ANKRD34B: variants seen among roughly 807,000 people sequenced by gnomAD.
ANKRD34B encodes ankyrin repeat domain 34B, also known as ankyrin repeat domain-containing protein 34B.
In ANKRD34B, 2 loss-of-function variants were observed where a neutral mutation model predicts 4.4. The ratio of observed to expected loss-of-function variants is 0.46; its 90% CI spans 0.19 to 1.44. ANKRD34B has a LOEUF of 1.44. ANKRD34B is among the 40% of genes most tolerant of loss of function. ANKRD34B has a pLI of 0.26. For missense variants in ANKRD34B, 558 were observed against 604.7 expected, an observed-to-expected ratio of 0.92 and a Z score of 0.81; for synonymous variants, 226 against 227.1, an observed-to-expected ratio of 0.99 and a Z score of 0.05.
In ANKRD34B at chr5:80,558,929, A is replaced by T. The variant is rs1039761608; in HGVS notation, c.1091T>A (p.Leu364Ter). The change falls in exon 5 of 5, where the codon TTG becomes TAG. Residue 364 changes from leucine to a stop codon, truncating the protein, a stop_gained. Coordinates refer to ENST00000338682, the MANE Select transcript of ANKRD34B (RefSeq NM_001004441.3). LOFTEE classifies it low-confidence loss of function (END_TRUNC). The stretch of plus-strand genomic sequence containing the variant: ...ATCAGAGCTGTAGTGATTTGCCCCC[A>T]AGTTTCTTTTTTGAACTATACTTCT... ...TLRSIVQKRNLGANHYSSDSQ... is the reference protein window; with the variant it reads ...TLRSIVQKRN 2 of 1,614,040 alleles carry T rather than the reference A, an allele frequency of 1.2e-6. No individual in the cohort carries two copies. Among genetic ancestry groups the T allele is most frequent in the African/African-American group, 2.7e-5 (2 of 74,904 alleles).
At chr5:80,560,738 T>C (rs1746387312) in intron 4 of ANKRD34B, among the ~76,000 whole-genome samples, 1 of 152,226 alleles carries the variant, frequency 6.6e-6, no homozygotes, top group Non-Finnish European at 1.5e-5. Context: ...TCATTGCAAC[T>C]GAATCAATTA....
intron 4 of ANKRD34B, among the ~76,000 whole-genome samples, chr5:80,561,043 A>T (rs1437671219): frequency 6.6e-6 from 1 of 152,240 alleles, no homozygotes. Flanking sequence ...AAATTTTGAC[A>T]ACAGTATATC....
chr5:80,559,983 A>T lies in ANKRD34B; in HGVS notation c.37T>A (p.Ser13Thr). 1 of 1,596,842 alleles carries T rather than the reference A, an allele frequency of 6.3e-7. No individual in the cohort carries two copies. The highest frequency in any genetic ancestry group is 1.1e-5 in the South Asian group (1 of 89,072). ...CTCTGATGGACTGCTTTGATCAAGG[A>T]ATTTCCTTCACTTGAAATTTCCATA... is the stretch of plus-strand genomic sequence containing the variant. ...EGMEISSEGN[S>T]LIKAVHQSRL... is the part of the protein sequence containing the mutation. The change falls in exon 5 of 5, where the codon TCC becomes ACC. Residue 13 changes from serine to threonine, a missense_variant. Ser to Thr is a moderately conservative substitution (Grantham distance 58, BLOSUM62 1). Coordinates refer to ENST00000338682, the MANE Select transcript of ANKRD34B (RefSeq NM_001004441.3).
rs1416833627 is a variant in ANKRD34B at position 80,566,925 on chromosome 5, A to G, written c.-190-151T>C. Among the ~76,000 whole-genome samples the G allele has an allele frequency of 2.0e-5, 3 of 152,210 alleles. No individual in the cohort carries two copies. The East Asian group carries it at 5.8e-4, about 29-fold the overall frequency. The stretch of plus-strand genomic sequence containing the variant: ...CATATCTCACTGATTATGAGTTTGT[A>G]AAGTGTCTGGAGATTCTATGCACAG... On this transcript the variant is annotated intron_variant, in intron 2 of 4. Transcript: ENST00000338682.
At chr5:80,568,323 G>A (rs1208906429) in intron 2 of ANKRD34B, among the ~76,000 whole-genome samples, 1 of 152,218 alleles carries the variant, frequency 6.6e-6, no homozygotes, top group Non-Finnish European at 1.5e-5. Context: ...TTCACACAGA[G>A]CTGTCTCCGA....
chr5:80,559,728 G>T lies in ANKRD34B; in HGVS notation c.292C>A (p.Pro98Thr), dbSNP rs778555790. The change falls in exon 5 of 5, where the codon CCT (proline) becomes ACT (threonine). Residue 98 changes from proline (P) to threonine (T), a missense_variant. Transcript: ENST00000338682. ...LMHACLEKAG[P>T]EVVSLLLKSG... ...TTGAGGAGCAAGGAAACAACTTCAG[G>T]GCCAGCTTTTTCTAAGCAAGCATGC... 6.2e-7 allele frequency: 1 copy of T among 1,614,130 alleles called. No individual in the cohort carries two copies. The highest frequency in any genetic ancestry group is 2.2e-5 in the East Asian group (1 of 44,888).
chr5:80,568,790 C>G (rs1170094137), intron 2 of ANKRD34B, among the ~76,000 whole-genome samples, 170 bp downstream of exon 2: 2 of 151,862 alleles, frequency 1.3e-5, no homozygotes, highest in East Asian at 3.9e-4. Flanking sequence ...CCACACATAC[C>G]CGCAAAGGGC....
chr5:80,558,192 A>ATT lies in ANKRD34B; in HGVS notation c.*281_*282dup. On this transcript the variant is annotated 3_prime_UTR_variant, in exon 5 of 5. Coordinates refer to ENST00000338682, the MANE Select transcript of ANKRD34B (RefSeq NM_001004441.3). ...CAACATACGTGGCCTTCTTTCTTTG[A>ATT]TTTTTTTTTAATGACAAATTTGGAC... is the stretch of plus-strand genomic sequence containing the variant. The ATT allele has an allele frequency of 1.5e-5, 3 of 197,000 alleles. No individual in the cohort carries two copies. Among genetic ancestry groups the ATT allele is most frequent in the Non-Finnish European group, 3.0e-5 (3 of 98,636 alleles). The allele number at this position is 197,000 out of a possible 1,614,324, so 12.2% of individuals were successfully genotyped here. A position where few individuals can be genotyped will look rare whatever the true frequency, so the allele number is the denominator to read the frequency against.
chr5:80,559,685 C>G lies in ANKRD34B; in HGVS notation c.335G>C (p.Ser112Thr), dbSNP rs776875910. 6 of 1,614,186 alleles carry G rather than the reference C, an allele frequency of 3.7e-6. No individual in the cohort carries two copies. In the South Asian group the frequency reaches 6.6e-5, roughly 18 times the overall value. ...SLLLKSGADL[S>T]LQDHSSYSAL... is the part of the protein sequence containing the mutation. Reference sequence around the variant, plus strand: ...TGAGTAACTAGAATGGTCTTGCAAGCTGAGGTCAGCCCCACTCTTGAGGAG... The same window carrying G: ...TGAGTAACTAGAATGGTCTTGCAAGGTGAGGTCAGCCCCACTCTTGAGGAG... Residue 112 changes from serine (S) to threonine (T), a missense_variant, in exon 5 of 5, where the codon AGC becomes ACC. Ser to Thr is a moderately conservative substitution (Grantham distance 58). Coordinates refer to ENST00000338682, the MANE Select transcript of ANKRD34B (RefSeq NM_001004441.3).
chr5:80,569,636 C>A (rs1295049595), intron 1 of ANKRD34B, among the ~76,000 whole-genome samples: 1 of 151,498 alleles, frequency 6.6e-6, no homozygotes, highest in Non-Finnish European at 1.5e-5. Context: ...CCGACCCGCG[C>A]GCTCTTGCGG....
chr5:80,569,733 C>T (rs1746700621), intron 1 of ANKRD34B, among the ~76,000 whole-genome samples: 1 of 152,164 alleles, frequency 6.6e-6, no homozygotes, highest in African/African-American at 2.4e-5. Flanking sequence ...CGCGGCCGGG[C>T]AGCCCTCGCC....
chr5:80,567,903 C>G lies in ANKRD34B; in HGVS notation c.-191+1057G>C, dbSNP rs536361407. Among the ~76,000 whole-genome samples, 17 of 152,260 alleles carry G rather than the reference C, an allele frequency of 1.1e-4. No homozygotes were observed. In the South Asian group the frequency reaches 3.5e-3, roughly 32 times the overall value. Reference sequence around the variant, plus strand: ...CTCCGGATCTCTCCAAGTTATCAACCTCTGGGAGGTCATTCTTCTGAGCCT... The same window carrying G: ...CTCCGGATCTCTCCAAGTTATCAACGTCTGGGAGGTCATTCTTCTGAGCCT... On this transcript the variant is annotated intron_variant, in intron 2 of 4. Coordinates refer to ENST00000338682, the MANE Select transcript of ANKRD34B (RefSeq NM_001004441.3).
chr5:80,563,600 C>T (rs1010904068), intron 4 of ANKRD34B, 135 bp downstream of exon 4: 1 of 152,180 alleles, frequency 6.6e-6, no homozygotes, highest in Non-Finnish European at 1.5e-5. Context: ...GTGTTCATCT[C>T]CACTGCAGTA....
chr5:80,560,092 C>T lies in ANKRD34B; in HGVS notation c.-23-50G>A, dbSNP rs1394977103. On this transcript the variant is annotated intron_variant, in intron 4 of 4. Coordinates refer to ENST00000338682, the MANE Select transcript of ANKRD34B (RefSeq NM_001004441.3). ...CAAAAGATTAGCCAGAATCAGCATC[C>T]CAACTTATATTCATTTTGTCAGAAT... 7.5e-6 allele frequency: 8 copies of T among 1,062,964 alleles called. No individual in the cohort carries two copies. The African/African-American group carries it at 1.1e-4, about 15-fold the overall frequency. 65.8% of individuals were successfully genotyped at this position (1,062,964 alleles called of 1,614,324 possible). A position where few individuals can be genotyped will look rare whatever the true frequency, so the allele number is the denominator to read the frequency against.
Position 80,556,883 on chromosome 5 carries a change from A to G in ANKRD34B, c.*1592T>C, listed in dbSNP as rs760300451. 1.3e-5 allele frequency: 2 copies of G among 152,632 alleles called. No individual in the cohort carries two copies. Among genetic ancestry groups the G allele is most frequent in the African/African-American group, 2.4e-5 (1 of 41,450 alleles). 9.5% of individuals were successfully genotyped at this position (152,632 alleles called of 1,614,324 possible). A position where few individuals can be genotyped will look rare whatever the true frequency, so the allele number is the denominator to read the frequency against. On this transcript the variant is annotated 3_prime_UTR_variant, in exon 5 of 5. Transcript: ENST00000338682. Reference sequence around the variant, plus strand: ...ATATTTAACTTGCAGAAAGCATTTAAATACCTATAAATATCAGGTACAATT... The same window carrying G: ...ATATTTAACTTGCAGAAAGCATTTAGATACCTATAAATATCAGGTACAATT...
chr5:80,568,028 T>C (rs1028968458), intron 2 of ANKRD34B, among the ~76,000 whole-genome samples: 1 of 152,222 alleles, frequency 6.6e-6, no homozygotes, highest in Non-Finnish European at 1.5e-5. Flanking sequence ...ACGAATTCAA[T>C]AAATGTCCAT....
chr5:80,561,628 C>G (rs1302911854), intron 4 of ANKRD34B, among the ~76,000 whole-genome samples: 1 of 152,098 alleles, frequency 6.6e-6, no homozygotes, highest in African/African-American at 2.4e-5. Flanking sequence ...ACTGTATAAG[C>G]AGCTGGTTAC....
intron 4 of ANKRD34B, among the ~76,000 whole-genome samples, chr5:80,562,805 C>T (rs112219447): frequency 0.024 from 3,690 of 152,214 alleles, 148 homozygotes; most frequent in African/African-American, 0.084. Context: ...AATCAGTACC[C>T]GAAATGAGGC....
At position 80,559,920 on chromosome 5, in the gene ANKRD34B, C is replaced by T. The variant is rs1459121973; in HGVS notation, c.100G>A (p.Ala34Thr). The change falls in exon 5 of 5, where the codon GCC becomes ACC. Residue 34 changes from alanine to threonine, a missense_variant. Transcript: ENST00000338682. ...RLTRLLLEGGAYINESNDRGE... is the reference protein window; with the variant it reads ...RLTRLLLEGGTYINESNDRGE... ...CGGTCGTTGCTCTCATTAATGTAGGCACCGCCTTCTAGCAAAAGTCTTGTG... is the reference window on the plus strand; with the variant it reads ...CGGTCGTTGCTCTCATTAATGTAGGTACCGCCTTCTAGCAAAAGTCTTGTG... 1 of 1,614,182 alleles carries T rather than the reference C, an allele frequency of 6.2e-7. No homozygotes were observed. Among genetic ancestry groups the T allele is most frequent in the African/African-American group, 1.3e-5 (1 of 75,042 alleles).
Sources: gnomAD v4.1 joint callset for allele counts (sites outside exome capture counted in the v4.1 genomes callset) on GRCh38, gnomAD v4.1.1 for gene constraint, MANE v1.5 for transcripts, NCBI Gene and HGNC (gene_info 2026-07-23, HGNC 2026-07-21) for gene names.